Variants in DTNB observed in about 807,000 individuals in gnomAD.
DTNB encodes the protein DTN-B.
A neutral mutation model predicts 90.7 loss-of-function variants in DTNB; 63 were observed. That is an observed-to-expected ratio of 0.69 (90% CI 0.57 to 0.86). The LOEUF (loss-of-function observed/expected upper bound fraction) is 0.86. Ranked by LOEUF, DTNB falls within the 40% of genes least tolerant of loss-of-function variation. DTNB has a pLI of 0.00. For missense variants in DTNB, 744 were observed against 807.1 expected (o/e 0.92, Z 0.95); for synonymous variants, 277 against 286.7 (o/e 0.97, Z 0.34).
At chr2:25,590,661 T>G (rs1250954239) in intron 6 of DTNB, among the ~76,000 whole-genome samples, 1 of 152,140 alleles carries the variant, frequency 6.6e-6, no homozygotes, top group Non-Finnish European at 1.5e-5. Flanking sequence ...TGGTAATCAT[T>G]TGTTCGAGTT....
intron 1 of DTNB, among the ~76,000 whole-genome samples, chr2:25,668,278 G>A (rs1030282616): frequency 2.0e-5 from 3 of 152,070 alleles, no homozygotes; most frequent in East Asian, 3.8e-4. Context: ...CTATCAAGTC[G>A]CAAAAAAGAC....
intron 18 of DTNB, 95 bp from the exon 19 acceptor site, chr2:25,383,984 A>T (rs896899315): frequency 1.3e-6 from 2 of 1,596,192 alleles, no homozygotes; most frequent in Non-Finnish European, 1.7e-6. Context: ...TTGGGAGGAA[A>T]CTCTAGCTAA....
At chr2:25,429,244 T>C (rs2149913549) in intron 14 of DTNB, among the ~76,000 whole-genome samples, 1 of 152,334 alleles carries the variant, frequency 6.6e-6, no homozygotes. Context: ...TTAAGTAAGA[T>C]ATACTATTAA....
At chr2:25,412,591 A>G (rs2046882840) in intron 16 of DTNB, among the ~76,000 whole-genome samples, 1 of 152,208 alleles carries the variant, frequency 6.6e-6, no homozygotes, top group Admixed American at 6.5e-5. Context: ...TTAAACATAT[A>G]TAAAGTCTTT....
chr2:25,632,651 G>A (rs1196832694), intron 3 of DTNB, among the ~76,000 whole-genome samples: 1 of 152,146 alleles, frequency 6.6e-6, no homozygotes, highest in African/African-American at 2.4e-5. Flanking sequence ...TGGTGTGCAT[G>A]GCCTCCAGAC....
intron 9 of DTNB, among the ~76,000 whole-genome samples, 184 bp from the exon 10 acceptor site, chr2:25,483,057 G>A (rs187631531): frequency 1.3e-5 from 2 of 151,746 alleles, no homozygotes; most frequent in African/African-American, 4.8e-5. Flanking sequence ...ACCCATGGAG[G>A]GGGGGAACCC....
intron 5 of DTNB, among the ~76,000 whole-genome samples, chr2:25,598,240 G>A (rs564305668): frequency 6.6e-6 from 1 of 152,110 alleles, no homozygotes; most frequent in Admixed American, 6.5e-5. Flanking sequence ...TATGATAGCT[G>A]GAGCTCCAGC....
chr2:25,594,572 T>C (rs993292999), intron 6 of DTNB, among the ~76,000 whole-genome samples: 1 of 152,254 alleles, frequency 6.6e-6, no homozygotes, highest in Non-Finnish European at 1.5e-5. Flanking sequence ...GTGTTTTTCA[T>C]TCGTTTTTGA....
chr2:25,526,366 T>TAAATATAA (rs1558883502), intron 9 of DTNB, among the ~76,000 whole-genome samples: 25 of 76,764 alleles, frequency 3.3e-4, no homozygotes, highest in Non-Finnish European at 5.6e-4. Context: ...TATATAAATA[T>TAAATATAA]ATATATATAT....
intron 3 of DTNB, among the ~76,000 whole-genome samples, chr2:25,635,777 G>C (rs1055345494): frequency 6.6e-6 from 1 of 152,172 alleles, no homozygotes; most frequent in Non-Finnish European, 1.5e-5. Context: ...ATGTTAAAAA[G>C]ACAAGACTGT....
At chr2:25,468,778 T>C (rs546177563) in intron 10 of DTNB, among the ~76,000 whole-genome samples, 156 of 152,304 alleles carry the variant, frequency 1.0e-3, no homozygotes, top group African/African-American at 3.6e-3. Flanking sequence ...CCCTAATATG[T>C]GGTTATTTTA....
At chr2:25,553,857 T>C (rs1158141670) in intron 8 of DTNB, among the ~76,000 whole-genome samples, 1 of 151,960 alleles carries the variant, frequency 6.6e-6, no homozygotes, top group African/African-American at 2.4e-5. Flanking sequence ...GCCACTGTTA[T>C]TCCAACTGGT....
At chr2:25,572,325 G>C (rs904480603) in intron 8 of DTNB, among the ~76,000 whole-genome samples, 1 of 152,124 alleles carries the variant, frequency 6.6e-6, no homozygotes, top group Non-Finnish European at 1.5e-5. Flanking sequence ...AAATTAGCCA[G>C]GCGTGGTGGT....
At chr2:25,607,951 TAGA>T (rs1049090490) in intron 4 of DTNB, among the ~76,000 whole-genome samples, 1 of 152,174 alleles carries the variant, frequency 6.6e-6, no homozygotes, top group African/African-American at 2.4e-5. Context: ...AGACGAAATG[TAGA>T]AGAACATAAA....
intron 12 of DTNB, among the ~76,000 whole-genome samples, chr2:25,451,095 G>C (rs2059216529): frequency 6.6e-6 from 1 of 152,128 alleles, no homozygotes; most frequent in Non-Finnish European, 1.5e-5. Flanking sequence ...TTTATATCTT[G>C]TAGCAATACT....
At chr2:25,582,084 T>C (rs1559116736) in intron 6 of DTNB, among the ~76,000 whole-genome samples, 1 of 152,210 alleles carries the variant, frequency 6.6e-6, no homozygotes, top group African/African-American at 2.4e-5. Flanking sequence ...AATGTTTAAA[T>C]CATTTATTTC....
intron 9 of DTNB, 83 bp from the exon 10 acceptor site, chr2:25,482,956 A>T: frequency 7.3e-7 from 1 of 1,377,184 alleles, no homozygotes. Context: ...GGTAAGAGCA[A>T]AGGGACCAAT....
chr2:25,556,168 CTCT>C (rs1367077135), intron 8 of DTNB, among the ~76,000 whole-genome samples: 3 of 98,790 alleles, frequency 3.0e-5, no homozygotes, highest in East Asian at 9.2e-4. Flanking sequence ...TTGGCCATCT[CTCT>C]TTTTTTTTTT....
At chr2:25,413,270 CTT>C (rs35325785) in intron 16 of DTNB, among the ~76,000 whole-genome samples, 5 of 147,932 alleles carry the variant, frequency 3.4e-5, no homozygotes, top group African/African-American at 5.0e-5. Flanking sequence ...AATCAGACAC[CTT>C]TTTTTTTTAA....
Sources: gnomAD v4.1 joint callset for allele counts (sites outside exome capture counted in the v4.1 genomes callset) on GRCh38, gnomAD v4.1.1 for gene constraint, MANE v1.5 for transcripts, NCBI Gene and HGNC (gene_info 2026-07-23, HGNC 2026-07-21) for gene names.